ACSF2: variants seen among roughly 807,000 people sequenced by gnomAD.
ACSF2 encodes acyl-CoA synthetase family member 2, also known as medium-chain acyl-CoA ligase ACSF2, mitochondrial.
ACSF2 carries 52 observed loss-of-function variants against 79.3 expected under a neutral mutation model. The ratio of observed to expected loss-of-function variants is 0.66; its 90% confidence interval spans 0.53 to 0.83. The LOEUF (loss-of-function observed/expected upper bound fraction) is 0.83, where lower values mean the gene tolerates loss of function less well. Ranked by LOEUF, ACSF2 falls within the 40% of genes least tolerant of loss-of-function variation. ACSF2 has a pLI of 0.00. For missense variants in ACSF2, 661 were observed against 803.3 expected, an observed-to-expected ratio of 0.82 and a Z score of 2.14; for synonymous variants, 283 against 312.6, an observed-to-expected ratio of 0.91 and a Z score of 1.00.
intron 1 of ACSF2, among the ~76,000 whole-genome samples, chr17:50,446,560 C>T (rs1171443948): frequency 2.0e-5 from 3 of 152,160 alleles, no homozygotes; most frequent in Non-Finnish European, 4.4e-5. Context: ...TATTTTAAGG[C>T]CCACTTGATG....
chr17:50,465,951 A>G, intron 10 of ACSF2: 1 of 1,523,312 alleles, frequency 6.6e-7, no homozygotes, highest in South Asian at 1.2e-5. Flanking sequence ...GAGGGGCAGG[A>G]TCCTTCCCTG....
chr17:50,462,549 G>A lies in ACSF2; in HGVS notation c.756G>A (p.Leu252=), dbSNP rs753322943. 6.2e-7 allele frequency: 1 copy of A among 1,613,878 alleles called. No individual in the cohort carries two copies. Among genetic ancestry groups the A allele is most frequent in the Admixed American group, 1.7e-5 (1 of 60,006 alleles). Residue 252 remains leucine, a synonymous_variant, in exon 6 of 16, where the codon CTG becomes CTA. Coordinates refer to ENST00000300441, the MANE Select transcript of ACSF2 (RefSeq NM_025149.6). The part of the protein sequence containing the change: ...LDQLQYNQQF[L]SCHDPINIQF... Reference sequence around the variant, plus strand: ...AGCTCCAATACAACCAGCAGTTCCTGTCCTGCCATGACCCCATCAACATCC... The same window carrying A: ...AGCTCCAATACAACCAGCAGTTCCTATCCTGCCATGACCCCATCAACATCC...
intron 6 of ACSF2, 64 bp downstream of exon 6, chr17:50,462,649 T>TC: frequency 1.3e-6 from 2 of 1,560,866 alleles, no homozygotes; most frequent in East Asian, 4.5e-5. Flanking sequence ...CTGTGACACT[T>TC]CCGCGGGGAT....
At chr17:50,462,375 C>T (rs1466582819) in intron 5 of ACSF2, 45 bp from the exon 6 acceptor site, 3 of 1,595,984 alleles carry the variant, frequency 1.9e-6, no homozygotes, top group African/African-American at 1.3e-5. Context: ...ACCCACCCTG[C>T]CCCCTCCCTC....
chr17:50,440,957 G>A (rs2030860957), intron 1 of ACSF2, among the ~76,000 whole-genome samples: 1 of 152,250 alleles, frequency 6.6e-6, no homozygotes, highest in African/African-American at 2.4e-5. Context: ...CAAGTGGGAG[G>A]CCTAGTGGGG....
rs925916788 is a variant in ACSF2 at position 50,472,323 on chromosome 17, T to C, written c.1324-105T>C. The stretch of plus-strand genomic sequence containing the variant: ...AGCCAGGGGGCCTCATTCCAGGCAG[T>C]TGGGTTGGGGGGTTGGGGGCAGGCA... On this transcript the variant is annotated intron_variant, in intron 11 of 15. Coordinates refer to ENST00000300441, the MANE Select transcript of ACSF2 (RefSeq NM_025149.6). The C allele has an allele frequency of 5.1e-6, 7 of 1,384,966 alleles. No homozygotes were observed. The African/African-American group carries it at 8.8e-5, about 17-fold the overall frequency. The allele number at this position is 1,384,966 out of a possible 1,614,324, so 85.8% of individuals were successfully genotyped here.
intron 10 of ACSF2, chr17:50,467,920 G>T: frequency 2.0e-6 from 2 of 1,020,136 alleles, no homozygotes; most frequent in African/African-American, 1.6e-5. Context: ...GCTCACCTTG[G>T]AGATAGCCAG....
intron 12 of ACSF2, chr17:50,473,049 A>G: frequency 6.5e-6 from 1 of 154,982 alleles, no homozygotes; most frequent in South Asian, 2.0e-4. Flanking sequence ...TGAAGTCAGA[A>G]GTTTGAGACC....
intron 10 of ACSF2, chr17:50,468,612 C>T (rs774962393): frequency 2.5e-6 from 4 of 1,614,214 alleles, no homozygotes; most frequent in Non-Finnish European, 3.4e-6. Flanking sequence ...AACGAATTGG[C>T]AGCCAGCACC....
At chr17:50,436,458 G>C (rs1173482676) in intron 1 of ACSF2, among the ~76,000 whole-genome samples, 2 of 148,266 alleles carry the variant, frequency 1.3e-5, no homozygotes, top group Non-Finnish European at 3.0e-5. Flanking sequence ...CTGCGACAGA[G>C]TTTCACTCTT....
intron 12 of ACSF2, 100 bp downstream of exon 12, chr17:50,472,679 G>T: frequency 1.5e-6 from 2 of 1,377,298 alleles, no homozygotes; most frequent in Non-Finnish European, 1.9e-6. Flanking sequence ...GAGGATGTGG[G>T]TATCAAGATG....
intron 4 of ACSF2, 127 bp from the exon 5 acceptor site, chr17:50,462,057 G>A: frequency 1.3e-6 from 1 of 749,420 alleles, no homozygotes; most frequent in East Asian, 2.7e-5. Context: ...GTGCCTGTGA[G>A]TGTGCTGGAG....
chr17:50,434,054 C>T (rs902357049), intron 1 of ACSF2, among the ~76,000 whole-genome samples: 2 of 152,012 alleles, frequency 1.3e-5, no homozygotes, highest in Non-Finnish European at 2.9e-5. Flanking sequence ...GTGGCTCACA[C>T]CTATAACTCA....
intron 1 of ACSF2, among the ~76,000 whole-genome samples, chr17:50,428,153 C>T (rs1174791188): frequency 3.3e-5 from 5 of 152,180 alleles, no homozygotes; most frequent in Non-Finnish European, 7.3e-5. Context: ...CATGCCACTG[C>T]ACTCTAGCCT....
chr17:50,464,397 C>T (rs530764325), intron 10 of ACSF2, 103 bp downstream of exon 10: 2 of 1,184,448 alleles, frequency 1.7e-6, no homozygotes, highest in South Asian at 2.5e-5. Context: ...AAAGGAGACC[C>T]TCTCAGCCAG....
In ACSF2 at chr17:50,474,181, C is replaced by T; in HGVS notation, c.1729-18C>T. Reference sequence around the variant, plus strand: ...CTTGCGCAGCCTCACGCCTTACCTCCCTCCCTCTGGTCTGCAGATCTCTCA... The same window carrying T: ...CTTGCGCAGCCTCACGCCTTACCTCTCTCCCTCTGGTCTGCAGATCTCTCA... On this transcript the variant is annotated intron_variant, in intron 14 of 15. Transcript: ENST00000300441. This position sits in a 1 kb window ranked among gnomAD's most constrained non-coding sequence, Gnocchi z 4.2. 1 of 1,614,160 alleles carries T rather than the reference C, an allele frequency of 6.2e-7. No individual in the cohort carries two copies.
intron 6 of ACSF2, chr17:50,462,835 C>A: frequency 3.4e-6 from 2 of 586,230 alleles, no homozygotes; most frequent in Middle Eastern, 4.5e-4. Flanking sequence ...TGAACCAACA[C>A]AGGTTGGAAC....
chr17:50,465,915 G>T (rs1255330182), intron 10 of ACSF2: 1 of 1,609,980 alleles, frequency 6.2e-7, no homozygotes, highest in Non-Finnish European at 8.5e-7. Context: ...GTGGTCATGA[G>T]TGAATGAGTA....
At chr17:50,427,079 A>C in intron 1 of ACSF2, 1 of 1,274,480 alleles carries the variant, frequency 7.8e-7, no homozygotes, top group African/African-American at 1.5e-5. Flanking sequence ...GCTGCCACTC[A>C]TGTTATCAGG....
Sources: allele counts gnomAD v4.1 joint callset (sites outside exome capture counted in the v4.1 genomes callset), GRCh38; gene constraint gnomAD v4.1.1; non-coding constraint Gnocchi (gnomAD v3.1); transcripts MANE v1.5; gene names NCBI Gene and HGNC (gene_info 2026-07-23, HGNC 2026-07-21).